Variants in SDK1 observed in about 807,000 individuals in gnomAD.
SDK1 encodes protein sidekick-1.
In SDK1, 157 loss-of-function variants were observed where a neutral mutation model predicts 245.5. The observed-to-expected ratio is 0.64, with a 90% CI of 0.56 to 0.73. The LOEUF (loss-of-function observed/expected upper bound fraction) is 0.73, where lower values mean the gene tolerates loss of function less well. SDK1 is among the 30% of genes least tolerant of loss of function. SDK1 has a pLI of 0.00. For synonymous variants in SDK1, 1,647 were observed against 1,278.5 expected (o/e 1.29, Z -6.15); for missense variants, 3,583 against 3,002.3 (o/e 1.19, Z -4.52).
chr7:3,525,969 C>G (rs1003766905), intron 1 of SDK1, among the ~76,000 whole-genome samples: 2 of 152,144 alleles, frequency 1.3e-5, no homozygotes, highest in Admixed American at 1.3e-4. Flanking sequence ...CGCCGTGGCT[C>G]ACACCTGTAA....
intron 1 of SDK1, among the ~76,000 whole-genome samples, chr7:3,602,179 T>A (rs1422107825): frequency 6.6e-6 from 1 of 151,940 alleles, no homozygotes; most frequent in East Asian, 1.9e-4. Flanking sequence ...TTATAATCCT[T>A]TGGGTATATA....
At chr7:3,392,840 G>A (rs1424299610) in intron 1 of SDK1, among the ~76,000 whole-genome samples, 2 of 151,670 alleles carry the variant, frequency 1.3e-5, no homozygotes, top group South Asian at 2.1e-4. Flanking sequence ...TGCGTATATC[G>A]CATTTCGTGT....
At chr7:3,731,538 C>G (rs965044911) in intron 4 of SDK1, among the ~76,000 whole-genome samples, 2 of 152,148 alleles carry the variant, frequency 1.3e-5, no homozygotes, top group East Asian at 3.9e-4. Flanking sequence ...TGTAGCAACA[C>G]GTTATGTCTT....
At chr7:3,840,513 C>A (rs905045440) in intron 5 of SDK1, among the ~76,000 whole-genome samples, 2 of 152,136 alleles carry the variant, frequency 1.3e-5, no homozygotes, top group Non-Finnish European at 2.9e-5. Flanking sequence ...TCAGCATCAT[C>A]CTGGGAACTT....
chr7:3,346,511 A>G (rs1030049566), intron 1 of SDK1, among the ~76,000 whole-genome samples: 5 of 151,612 alleles, frequency 3.3e-5, no homozygotes, highest in African/African-American at 1.2e-4. Flanking sequence ...GTTAACATTT[A>G]TTTATTTTTA....
At chr7:3,573,096 A>C (rs1480744223) in intron 1 of SDK1, among the ~76,000 whole-genome samples, 1 of 152,058 alleles carries the variant, frequency 6.6e-6, no homozygotes, top group East Asian at 1.9e-4. Flanking sequence ...TCAGTTTGCT[A>C]TGAAAATGTC....
intron 5 of SDK1, among the ~76,000 whole-genome samples, chr7:3,852,409 GC>G (rs1238093649): frequency 6.6e-6 from 1 of 151,518 alleles, no homozygotes; most frequent in African/African-American, 2.4e-5. Flanking sequence ...CACGAGTCTT[GC>G]AAAAAATGAG....
intron 1 of SDK1, among the ~76,000 whole-genome samples, chr7:3,561,505 T>A (rs1360266594): frequency 7.9e-5 from 12 of 152,190 alleles, no homozygotes; most frequent in Admixed American, 7.9e-4. Context: ...GAGCACTGTT[T>A]TCCCTGTGGG....
intron 1 of SDK1, among the ~76,000 whole-genome samples, chr7:3,531,440 T>C (rs1306939692): frequency 6.6e-6 from 1 of 152,216 alleles, no homozygotes; most frequent in African/African-American, 2.4e-5. Flanking sequence ...TTTTGCATAT[T>C]GAATTTAGCT....
intron 5 of SDK1, among the ~76,000 whole-genome samples, chr7:3,913,386 C>A (rs573685915): frequency 6.6e-6 from 1 of 151,746 alleles, no homozygotes; most frequent in Non-Finnish European, 1.5e-5. Context: ...CTCCGCCTCC[C>A]AGGTTCACGC....
At chr7:4,139,147 C>G (rs529806680) in intron 28 of SDK1, among the ~76,000 whole-genome samples, 1 of 151,976 alleles carries the variant, frequency 6.6e-6, no homozygotes, top group South Asian at 2.1e-4. Flanking sequence ...GATGCACACA[C>G]GTTCATCAGC....
chr7:3,779,487 C>G (rs974167497), intron 4 of SDK1, among the ~76,000 whole-genome samples: 4 of 151,578 alleles, frequency 2.6e-5, no homozygotes, highest in African/African-American at 7.3e-5. Flanking sequence ...ACAAATTTAA[C>G]CAAATCTGAC....
chr7:3,508,089 G>T (rs777960060), intron 1 of SDK1, among the ~76,000 whole-genome samples: 2 of 152,058 alleles, frequency 1.3e-5, no homozygotes, highest in Non-Finnish European at 2.9e-5. Context: ...GGCATAAACT[G>T]CTACTGATAG....
intron 1 of SDK1, among the ~76,000 whole-genome samples, chr7:3,485,071 C>T (rs1051772409): frequency 6.6e-6 from 1 of 152,052 alleles, no homozygotes; most frequent in Non-Finnish European, 1.5e-5. Flanking sequence ...TTCTGGAGGA[C>T]CCTCCATACT....
intron 5 of SDK1, among the ~76,000 whole-genome samples, chr7:3,937,720 C>T (rs1316176004): frequency 6.6e-6 from 1 of 152,222 alleles, no homozygotes; most frequent in African/African-American, 2.4e-5. Flanking sequence ...AGGCCCCTGC[C>T]CGCGCGTCCT....
At chr7:3,371,361 G>C (rs889271324) in intron 1 of SDK1, among the ~76,000 whole-genome samples, 4 of 152,114 alleles carry the variant, frequency 2.6e-5, no homozygotes, top group African/African-American at 9.7e-5. Flanking sequence ...CCAGGATGCA[G>C]GGGAAGGACA....
intron 1 of SDK1, among the ~76,000 whole-genome samples, chr7:3,328,118 C>T (rs557092315): frequency 2.4e-4 from 37 of 151,924 alleles, no homozygotes; most frequent in African/African-American, 8.9e-4. Flanking sequence ...ACTTTCTGCC[C>T]GAAGATAATT....
At chr7:3,943,071 G>A (rs1220745704) in intron 5 of SDK1, among the ~76,000 whole-genome samples, 1 of 152,218 alleles carries the variant, frequency 6.6e-6, no homozygotes, top group Non-Finnish European at 1.5e-5. Context: ...TTCGCCAGGA[G>A]CACTCGGCTG....
At position 4,245,693 on chromosome 7, in the gene SDK1, G is replaced by A. The variant is rs199967285; in HGVS notation, c.6269G>A (p.Ser2090Asn). 6 of 1,614,000 alleles carry A rather than the reference G, an allele frequency of 3.7e-6. No homozygotes were observed. Among genetic ancestry groups the A allele is most frequent in the Non-Finnish European group, 5.1e-6 (6 of 1,179,976 alleles). The change falls in exon 44 of 45, where the codon AGC (serine) becomes AAC (asparagine). Residue 2090 changes from serine (S) to asparagine (N), a missense_variant. Transcript: ENST00000404826. ...CATCCTAGGTCCCCACCCCGGCCTAGCCCCGGCGGCCTGCACTACTCAGAC... is the reference window on the plus strand; with the variant it reads ...CATCCTAGGTCCCCACCCCGGCCTAACCCCGGCGGCCTGCACTACTCAGAC... ...KNGTRSPPRP[S>N]PGGLHYSDED...
Sources: gnomAD v4.1 joint callset for allele counts (sites outside exome capture counted in the v4.1 genomes callset) on GRCh38, gnomAD v4.1.1 for gene constraint, MANE v1.5 for transcripts, NCBI Gene and HGNC (gene_info 2026-07-23, HGNC 2026-07-21) for gene names.